The following CCNY variants were observed in gnomAD, a reference collection of about 807,000 sequenced individuals.
The protein encoded by CCNY is cyclin Y.
A neutral mutation model predicts 42.8 loss-of-function variants in CCNY; 19 were observed. The ratio of observed to expected loss-of-function variants is 0.44; its 90% CI spans 0.31 to 0.65. The LOEUF is 0.65. Ranked by LOEUF, CCNY falls within the 30% of genes least tolerant of loss-of-function variation. The probability of loss-of-function intolerance (pLI) is 0.07; values close to 1 mark genes in which losing one functional copy is unlikely to be tolerated. For missense variants in CCNY, 370 were observed against 437.3 expected (o/e 0.85, Z 1.37); for synonymous variants, 165 against 162.7 (o/e 1.01, Z -0.11).
intron 5 of CCNY, among the ~76,000 whole-genome samples, chr10:35,526,823 G>A (rs568359212): frequency 2.7e-4 from 41 of 152,158 alleles, no homozygotes; most frequent in African/African-American, 8.9e-4. Context: ...GTCCTCCTTC[G>A]TTTTCATGAG....
chr10:35,331,942 T>C (rs1302523070), upstream of CCNY, among the ~76,000 whole-genome samples: 1 of 152,200 alleles, frequency 6.6e-6, no homozygotes, highest in African/African-American at 2.4e-5. Flanking sequence ...TTCTCCAGAA[T>C]GGAAACTATA....
At chr10:35,298,120 A>G (rs1835492684) in intron 3 of CCNY, among the ~76,000 whole-genome samples, 2 of 152,242 alleles carry the variant, frequency 1.3e-5, no homozygotes, top group Admixed American at 1.3e-4. Flanking sequence ...TAACCAAAAC[A>G]GCATGGTACT....
chr10:35,519,259 A>G (rs1840494561), intron 4 of CCNY, among the ~76,000 whole-genome samples: 1 of 151,884 alleles, frequency 6.6e-6, no homozygotes, highest in African/African-American at 2.4e-5. Flanking sequence ...TGGCTGAGGT[A>G]TACTGTGAGT....
At chr10:35,256,733 A>T (rs4102767) in intron 3 of CCNY, among the ~76,000 whole-genome samples, 9 of 148,404 alleles carry the variant, frequency 6.1e-5, no homozygotes, top group Non-Finnish European at 1.0e-4. Context: ...TCTGTCTCAA[A>T]AATAAAACAT....
intron 1 of CCNY, among the ~76,000 whole-genome samples, chr10:35,355,228 T>C (rs1234633313): frequency 6.6e-6 from 1 of 152,158 alleles, no homozygotes; most frequent in Non-Finnish European, 1.5e-5. Context: ...GGACAGCAAA[T>C]TTCAGAGAAG....
intron 1 of CCNY, among the ~76,000 whole-genome samples, chr10:35,370,587 C>G (rs564330998): frequency 3.3e-5 from 5 of 152,174 alleles, no homozygotes; most frequent in Non-Finnish European, 7.3e-5. Context: ...GACTAGGAAT[C>G]TTCTCTGGCT....
chr10:35,548,507 A>G (rs991538599), intron 7 of CCNY, among the ~76,000 whole-genome samples: 26 of 152,022 alleles, frequency 1.7e-4, no homozygotes, highest in South Asian at 2.1e-4. Flanking sequence ...CATGTTGGCC[A>G]GGATGGTCTC....
intron 1 of CCNY, among the ~76,000 whole-genome samples, chr10:35,375,350 T>C (rs1174398634): frequency 6.6e-6 from 1 of 152,154 alleles, no homozygotes; most frequent in Admixed American, 6.5e-5. Flanking sequence ...AAGCCAGCAG[T>C]GGTAGATGGA....
chr10:35,570,224 A>G lies in CCNY; in HGVS notation c.*1054A>G, dbSNP rs1282455476. Reference sequence around the variant, plus strand: ...GTATAAAATTTTTAAAAAATCTAAAAGAAAAAGAAAAAAAACAAGGGTGGG... The same window carrying G: ...GTATAAAATTTTTAAAAAATCTAAAGGAAAAAGAAAAAAAACAAGGGTGGG... On this transcript the variant is annotated 3_prime_UTR_variant, in exon 10 of 10. Coordinates refer to ENST00000374704, the MANE Select transcript of CCNY (RefSeq NM_145012.6). 2.0e-5 allele frequency: 3 copies of G among 152,584 alleles called. No homozygotes were observed. Among genetic ancestry groups the G allele is most frequent in the Non-Finnish European group, 2.9e-5 (2 of 68,034 alleles). The allele number at this position is 152,584 out of a possible 1,614,324, so 9.5% of individuals were successfully genotyped here. A position where few individuals can be genotyped will look rare whatever the true frequency, so the allele number is the denominator to read the frequency against.
intron 2 of CCNY, among the ~76,000 whole-genome samples, chr10:35,499,232 T>A (rs1840062373): frequency 6.6e-6 from 1 of 152,164 alleles, no homozygotes; most frequent in Non-Finnish European, 1.5e-5. Context: ...GGACTTACAG[T>A]TCCACGTAGC....
At chr10:35,402,230 A>G (rs1046603434) in intron 1 of CCNY, among the ~76,000 whole-genome samples, 4 of 152,140 alleles carry the variant, frequency 2.6e-5, no homozygotes, top group African/African-American at 9.7e-5. Flanking sequence ...TGTTAGAAGG[A>G]ACATTTGTTG....
At chr10:35,428,663 G>A (rs900904689) in intron 1 of CCNY, among the ~76,000 whole-genome samples, 1 of 152,174 alleles carries the variant, frequency 6.6e-6, no homozygotes, top group Non-Finnish European at 1.5e-5. Flanking sequence ...CCTCCAGAGA[G>A]TGGATCAGAA....
intron 1 of CCNY, among the ~76,000 whole-genome samples, chr10:35,340,808 CTT>C (rs1313696475): frequency 6.6e-6 from 1 of 152,152 alleles, no homozygotes; most frequent in Non-Finnish European, 1.5e-5. Flanking sequence ...CTGGCCCACT[CTT>C]TTCATTTTTA....
intron 5 of CCNY, among the ~76,000 whole-genome samples, chr10:35,526,453 A>G (rs561125753): frequency 6.6e-6 from 1 of 152,324 alleles, no homozygotes; most frequent in East Asian, 1.9e-4. Flanking sequence ...GTATCTGGCA[A>G]TAGTTGGTTA....
intron 1 of CCNY, among the ~76,000 whole-genome samples, chr10:35,386,907 A>T (rs139024509): frequency 5.3e-5 from 8 of 152,114 alleles, no homozygotes; most frequent in African/African-American, 1.7e-4. Flanking sequence ...AAGCGTTGGG[A>T]GTGAAAAGCT....
chr10:35,447,141 G>A (rs775932672), intron 1 of CCNY, among the ~76,000 whole-genome samples: 2 of 152,196 alleles, frequency 1.3e-5, no homozygotes, highest in Middle Eastern at 3.2e-3. Flanking sequence ...GCCGGATGTG[G>A]TGGCGGGCGC....
chr10:35,298,636 C>T (rs947481897), intron 3 of CCNY, among the ~76,000 whole-genome samples: 2 of 152,166 alleles, frequency 1.3e-5, no homozygotes, highest in Admixed American at 6.5e-5. Flanking sequence ...CTTGCCTCAG[C>T]CGCCTGAGTA....
intron 4 of CCNY, among the ~76,000 whole-genome samples, chr10:35,518,756 A>T (rs904957841): frequency 2.8e-5 from 4 of 143,212 alleles, no homozygotes; most frequent in African/African-American, 1.1e-4. Context: ...GGGTATTTGG[A>T]TTTGTAACAG....
intron 1 of CCNY, among the ~76,000 whole-genome samples, chr10:35,416,412 A>G (rs900605849): frequency 2.5e-4 from 38 of 152,276 alleles, no homozygotes; most frequent in African/African-American, 9.1e-4. Context: ...CAGCCTGGGC[A>G]ACATAGTGGG....
Sources: gnomAD v4.1 joint callset for allele counts (sites outside exome capture counted in the v4.1 genomes callset) on GRCh38, gnomAD v4.1.1 for gene constraint, MANE v1.5 for transcripts, NCBI Gene and HGNC (gene_info 2026-07-23, HGNC 2026-07-21) for gene names.